Variants in MIPOL1 observed in about 807,000 individuals in gnomAD.
MIPOL1 encodes mirror-image polydactyly gene 1 protein.
A neutral mutation model predicts 60.9 loss-of-function variants in MIPOL1; 57 were observed. The ratio of observed to expected loss-of-function variants is 0.94; its 90% CI spans 0.76 to 1.17. MIPOL1 has a LOEUF of 1.17. Among genes scored for constraint, MIPOL1 ranks in the 50% most tolerant of loss-of-function variants. The probability of loss-of-function intolerance (pLI) is 0.00; values close to 1 mark genes in which losing one functional copy is unlikely to be tolerated. For synonymous variants in MIPOL1, 179 were observed against 168.8 expected, an observed-to-expected ratio of 1.06 and a Z score of -0.47; for missense variants, 551 against 511.6, an observed-to-expected ratio of 1.08 and a Z score of -0.74.
intron 3 of MIPOL1, among the ~76,000 whole-genome samples, chr14:37,254,826 A>G (rs1402580712): frequency 6.6e-6 from 1 of 151,668 alleles, no homozygotes; most frequent in African/African-American, 2.4e-5. Context: ...AAAATGGTAA[A>G]TTTCCCTTTT....
In MIPOL1 at chr14:37,447,987, C is replaced by T. The variant is rs116789461; in HGVS notation, c.1031+25038C>T. On this transcript the variant is annotated intron_variant, in intron 11 of 12. Transcript: ENST00000684589. ...GCAAGATTGGAGCCAAAGTTCAGGA[C>T]TCTTGACTGGTTTTATAAAACAAGC... 5.9e-3 allele frequency among the ~76,000 whole-genome samples: 903 copies of T among 152,138 alleles called. 5 individuals carry two copies. Among genetic ancestry groups the T allele is most frequent in the African/African-American group, 0.019 (808 of 41,512 alleles).
chr14:37,260,763 G>A (rs893753151), intron 3 of MIPOL1, among the ~76,000 whole-genome samples: 1 of 151,930 alleles, frequency 6.6e-6, no homozygotes, highest in Non-Finnish European at 1.5e-5. Context: ...GCTAGTATAC[G>A]GTATTCATGT....
chr14:37,266,883 A>C, intron 3 of MIPOL1, 55 bp from the exon 4 acceptor site: 1 of 1,153,818 alleles, frequency 8.7e-7, no homozygotes, highest in Non-Finnish European at 1.3e-6. Context: ...TGAATGATTT[A>C]ATATGCAGTT....
chr14:37,443,821 C>T (rs1000109125), intron 11 of MIPOL1, among the ~76,000 whole-genome samples: 10 of 150,738 alleles, frequency 6.6e-5, no homozygotes, highest in Admixed American at 1.3e-4. Context: ...GGTACTGCAG[C>T]GCAAAGGGTG....
chr14:37,362,372 A>G lies in MIPOL1; in HGVS notation c.829-7145A>G, dbSNP rs192367066. ...TATTTCTCCTTCACTTATGAAGCTT[A>G]GTTTGGCTGGATATGAAATTCTGGG... On this transcript the variant is annotated intron_variant, in intron 9 of 12. Transcript: ENST00000684589. 2.4e-3 allele frequency among the ~76,000 whole-genome samples: 366 copies of G among 152,282 alleles called. 1 individual carries two copies. Among genetic ancestry groups the G allele is most frequent in the Non-Finnish European group, 4.2e-3 (284 of 68,038 alleles).
At chr14:37,247,754 TAAAC>T (rs1973409361) in intron 2 of MIPOL1, 71 bp from the exon 3 acceptor site, 4 of 748,230 alleles carry the variant, frequency 5.3e-6, no homozygotes, top group South Asian at 4.2e-5. Context: ...AATTCTCTGT[TAAAC>T]AAAGGTAAGA....
intron 7 of MIPOL1, among the ~76,000 whole-genome samples, chr14:37,294,533 C>T (rs1008256541): frequency 1.3e-5 from 2 of 151,820 alleles, no homozygotes; most frequent in African/African-American, 2.4e-5. Flanking sequence ...AAGTTTGAAC[C>T]AATGGCAAAG....
intron 11 of MIPOL1, among the ~76,000 whole-genome samples, chr14:37,480,349 C>T (rs1323108533): frequency 6.6e-6 from 1 of 151,982 alleles, no homozygotes; most frequent in Non-Finnish European, 1.5e-5. Flanking sequence ...TATAAATCCA[C>T]CATTATCGAG....
At chr14:37,200,030 T>C (rs1964975509) in intron 1 of MIPOL1, among the ~76,000 whole-genome samples, 1 of 152,208 alleles carries the variant, frequency 6.6e-6, no homozygotes, top group Non-Finnish European at 1.5e-5. Context: ...AGTAGGAATA[T>C]AGTGACATAA....
At chr14:37,343,931 G>A (rs533222336) in intron 9 of MIPOL1, among the ~76,000 whole-genome samples, 4 of 151,956 alleles carry the variant, frequency 2.6e-5, no homozygotes, top group African/African-American at 7.2e-5. Context: ...GAATCCTTAT[G>A]GTATTTTCAG....
chr14:37,290,862 C>A (rs1020664360), intron 7 of MIPOL1, among the ~76,000 whole-genome samples: 1 of 152,164 alleles, frequency 6.6e-6, no homozygotes, highest in African/African-American at 2.4e-5. Context: ...CTACCTCCTT[C>A]CATGCCCCAC....
At chr14:37,409,182 A>G (rs1359168463) in intron 10 of MIPOL1, among the ~76,000 whole-genome samples, 1 of 152,180 alleles carries the variant, frequency 6.6e-6, no homozygotes, top group Non-Finnish European at 1.5e-5. Context: ...TCAGGAAAAT[A>G]TGATTTCAAA....
chr14:37,239,090 C>T (rs1304512396), intron 1 of MIPOL1, among the ~76,000 whole-genome samples: 4 of 141,840 alleles, frequency 2.8e-5, no homozygotes, highest in Non-Finnish European at 6.0e-5. Context: ...GACTCTGTTG[C>T]CCAGGCTGGA....
intron 11 of MIPOL1, among the ~76,000 whole-genome samples, chr14:37,455,868 A>C (rs781417395): frequency 3.9e-5 from 6 of 152,030 alleles, no homozygotes; most frequent in Non-Finnish European, 7.4e-5. Flanking sequence ...TAATTTTTTA[A>C]ATGTGTTTCA....
At chr14:37,426,584 T>TATATATATACATAC (rs1555339885) in intron 11 of MIPOL1, among the ~76,000 whole-genome samples, 2 of 137,234 alleles carry the variant, frequency 1.5e-5, no homozygotes, top group African/African-American at 5.5e-5. Flanking sequence ...TATATATATA[T>TATATATATACATAC]ATATATATAT....
At chr14:37,483,943 A>C (rs1268271141) in intron 11 of MIPOL1, among the ~76,000 whole-genome samples, 1 of 152,098 alleles carries the variant, frequency 6.6e-6, no homozygotes, top group African/African-American at 2.4e-5. Flanking sequence ...TCCTGAAATT[A>C]TTTTTTCAAA....
intron 12 of MIPOL1, among the ~76,000 whole-genome samples, chr14:37,540,489 C>T (rs189928701): frequency 3.3e-5 from 5 of 152,198 alleles, no homozygotes; most frequent in Admixed American, 2.0e-4. Context: ...ATGTATCTTT[C>T]GGTTGTGGCT....
Position 37,499,929 on chromosome 14 carries a change from A to G in MIPOL1, c.1053A>G (p.Gln351=), listed in dbSNP as rs553855719. Residue 351 remains glutamine (Q), a synonymous_variant, in exon 12 of 13, where the codon CAA becomes CAG. Transcript: ENST00000684589. ...TCAGTTTACACAAATCTTTATCTCAAGAAGAAAATCTGAAGGATCAGTTTA... is the reference window on the plus strand; with the variant it reads ...TCAGTTTACACAAATCTTTATCTCAGGAAGAAAATCTGAAGGATCAGTTTA... ...VYYSLHKSLS[Q]EENLKDQFNY... 5.7e-6 allele frequency: 9 copies of G among 1,585,848 alleles called. No homozygotes were observed. Among genetic ancestry groups the G allele is most frequent in the Admixed American group, 5.3e-5 (3 of 56,904 alleles).
chr14:37,497,584 T>C (rs1327224732), intron 11 of MIPOL1, among the ~76,000 whole-genome samples: 1 of 152,198 alleles, frequency 6.6e-6, no homozygotes, highest in Non-Finnish European at 1.5e-5. Context: ...CATATGCCCA[T>C]AGTCCGAGCT....
Sources: gnomAD v4.1 joint callset for allele counts (sites outside exome capture counted in the v4.1 genomes callset) on GRCh38, gnomAD v4.1.1 for gene constraint, MANE v1.5 for transcripts, NCBI Gene and HGNC (gene_info 2026-07-23, HGNC 2026-07-21) for gene names.